The following PARP11 variants were observed in gnomAD, a reference collection of about 807,000 sequenced individuals.
The protein encoded by PARP11 is poly(ADP-ribose) polymerase family member 11, also known as protein mono-ADP-ribosyltransferase PARP11.
Under a neutral mutation model 42.9 loss-of-function variants are expected in PARP11, and 31 were observed. The observed-to-expected ratio is 0.72, with a 90% CI of 0.54 to 0.98. The LOEUF is 0.98. Ranked by LOEUF, PARP11 falls within the 50% of genes least tolerant of loss-of-function variation. The pLI is 0.00. For missense variants in PARP11, 365 were observed against 413.1 expected (o/e 0.88, Z 1.01); for synonymous variants, 137 against 127.3 (o/e 1.08, Z -0.51).
rs1947187495 is a variant in PARP11, at chr12:3,811,988, A to T, written c.*135T>A. On this transcript the variant is annotated 3_prime_UTR_variant, in exon 8 of 8. Coordinates refer to ENST00000228820, the MANE Select transcript of PARP11 (RefSeq NM_020367.6). ...AACCTTGAAGTCAGTATGTCTTTTTATATGGAGGCCACTTTTTTTCATATC... is the reference window on the plus strand; with the variant it reads ...AACCTTGAAGTCAGTATGTCTTTTTTTATGGAGGCCACTTTTTTTCATATC... 4.6e-6 allele frequency: 3 copies of T among 658,446 alleles called. No individual in the cohort carries two copies. Among genetic ancestry groups the T allele is most frequent in the Non-Finnish European group, 7.5e-6 (3 of 399,816 alleles). The allele number at this position is 658,446 out of a possible 1,614,324, so 40.8% of individuals were successfully genotyped here. A position where few individuals can be genotyped will look rare whatever the true frequency, so the allele number is the denominator to read the frequency against.
At chr12:3,867,581 G>T (rs893116821) in intron 1 of PARP11, among the ~76,000 whole-genome samples, 1 of 152,150 alleles carries the variant, frequency 6.6e-6, no homozygotes, top group African/African-American at 2.4e-5. Flanking sequence ...TTAATGCTGA[G>T]AATAAAATAC....
intron 6 of PARP11, 48 bp from the exon 7 acceptor site, chr12:3,814,236 TA>T (rs748341917): frequency 7.7e-6 from 11 of 1,420,946 alleles, no homozygotes; most frequent in Non-Finnish European, 9.4e-6. Flanking sequence ...AAATATACCA[TA>T]AGTAGCATTT....
intron 1 of PARP11, among the ~76,000 whole-genome samples, chr12:3,848,924 A>G (rs1487263477): frequency 6.6e-6 from 1 of 151,922 alleles, no homozygotes; most frequent in African/African-American, 2.4e-5. Flanking sequence ...ATTCATAATA[A>G]TAATATATAA....
chr12:3,845,524 A>G (rs1241415856), intron 1 of PARP11, among the ~76,000 whole-genome samples: 1 of 152,148 alleles, frequency 6.6e-6, no homozygotes, highest in Admixed American at 6.6e-5. Context: ...GAAACTAGCA[A>G]TATTTATTTT....
intron 1 of PARP11, among the ~76,000 whole-genome samples, chr12:3,834,842 G>A (rs888717041): frequency 7.2e-5 from 11 of 151,952 alleles, no homozygotes; most frequent in African/African-American, 2.7e-4. Flanking sequence ...ACCCAGGAAT[G>A]ATCAGGGCAG....
At chr12:3,832,135 G>T in intron 1 of PARP11, 1 of 981,186 alleles carries the variant, frequency 1.0e-6, no homozygotes. Flanking sequence ...CTTTAGGCCA[G>T]GTTATAAATG....
At chr12:3,864,010 C>G (rs371555081) in intron 1 of PARP11, 1 of 135,204 alleles carries the variant, frequency 7.4e-6, no homozygotes, top group Non-Finnish European at 1.7e-5. Flanking sequence ...GAGCAAAGGA[C>G]AGTCATGGAA....
In PARP11 at chr12:3,812,298, C is replaced by T. The variant is rs748949914; in HGVS notation, c.842G>A (p.Arg281Gln). 2 of 1,614,174 alleles carry T rather than the reference C, an allele frequency of 1.2e-6. No individual in the cohort carries two copies. The highest frequency in any genetic ancestry group is 1.7e-6 in the Non-Finnish European group (2 of 1,180,022). Residue 281 changes from arginine (R) to glutamine (Q), a missense_variant, in exon 8 of 8, where the codon CGA (arginine) becomes CAA (glutamine). By Grantham distance (43) the Arg-to-Gln change is conservative. Coordinates refer to ENST00000228820, the MANE Select transcript of PARP11 (RefSeq NM_020367.6). ...FRTYKSMFLA[R>Q]VLIGDYINGD... Reference sequence around the variant, plus strand: ...GTTTATGTAATCTCCAATTAGCACTCGAGCAAGAAACATAGATTTATATGT... The same window carrying T: ...GTTTATGTAATCTCCAATTAGCACTTGAGCAAGAAACATAGATTTATATGT...
At chr12:3,824,187 T>C (rs1947467276) in intron 4 of PARP11, among the ~76,000 whole-genome samples, 1 of 152,208 alleles carries the variant, frequency 6.6e-6, no homozygotes, top group African/African-American at 2.4e-5. Flanking sequence ...GTAGTAAAAA[T>C]TAGTCTGGTA....
intron 1 of PARP11, chr12:3,842,058 C>T (rs3816507): frequency 6.2e-7 from 1 of 1,608,784 alleles, no homozygotes; most frequent in Non-Finnish European, 8.5e-7. Context: ...GAAAGGCTCA[C>T]CCTCCCACTC....
rs1479576732 is a variant in PARP11 at position 3,808,939 on chromosome 12, C to A, written c.*3184G>T. 1 of 151,946 alleles carries A rather than the reference C, an allele frequency of 6.6e-6. No individual in the cohort carries two copies. The highest frequency in any genetic ancestry group is 1.9e-4 in the East Asian group (1 of 5,200). 9.4% of individuals were successfully genotyped at this position (151,946 alleles called of 1,614,324 possible). A position where few individuals can be genotyped will look rare whatever the true frequency, so the allele number is the denominator to read the frequency against. ...TCAAAATTGGCTCCAAATTCTTTATCATCATCACCATCAACAGTCTAGAAA... is the reference window on the plus strand; with the variant it reads ...TCAAAATTGGCTCCAAATTCTTTATAATCATCACCATCAACAGTCTAGAAA... On this transcript the variant is annotated 3_prime_UTR_variant, in exon 8 of 8. Transcript: ENST00000228820.
At chr12:3,865,451 A>T (rs1948374854) in intron 1 of PARP11, among the ~76,000 whole-genome samples, 1 of 152,148 alleles carries the variant, frequency 6.6e-6, no homozygotes, top group Non-Finnish European at 1.5e-5. Flanking sequence ...ATTTGGAGAA[A>T]ACTACTGAAA....
rs999143676 is a variant in PARP11 at position 3,840,912 on chromosome 12, G to A, written c.19-10894C>T. The A allele has an allele frequency of 6.2e-7, 1 of 1,602,812 alleles. No homozygotes were observed. The highest frequency in any genetic ancestry group is 8.5e-7 in the Non-Finnish European group (1 of 1,169,704). ...CAGCTCCCCTTCTAGTTTCTCCAGA[G>A]GTACATCTAACTCCTGCAGTGCCTT... On this transcript the variant is annotated intron_variant, in intron 1 of 7. Coordinates refer to ENST00000228820, the MANE Select transcript of PARP11 (RefSeq NM_020367.6). The surrounding 1 kb of genome is among the most constrained non-coding windows in gnomAD (Gnocchi z 4.4).
chr12:3,824,898 A>G (rs751446577), intron 4 of PARP11, among the ~76,000 whole-genome samples: 4 of 152,222 alleles, frequency 2.6e-5, no homozygotes, highest in Non-Finnish European at 4.4e-5. Flanking sequence ...ACTATTCTCT[A>G]TATTCCACAG....
chr12:3,858,737 C>T (rs573042340), intron 1 of PARP11, among the ~76,000 whole-genome samples: 65 of 152,186 alleles, frequency 4.3e-4, no homozygotes, highest in South Asian at 4.1e-4. Flanking sequence ...TTATCCTGAA[C>T]ACATTATTTT....
intron 1 of PARP11, among the ~76,000 whole-genome samples, chr12:3,850,994 C>T (rs1327810073): frequency 6.6e-6 from 1 of 152,222 alleles, no homozygotes; most frequent in African/African-American, 2.4e-5. Flanking sequence ...GATAGTCCAT[C>T]AGCATCACAG....
At chr12:3,826,126 C>T (rs77828123) in intron 4 of PARP11, 32 bp downstream of exon 4, 24 of 1,353,534 alleles carry the variant, frequency 1.8e-5, no homozygotes, top group Non-Finnish European at 2.4e-5. Flanking sequence ...AAAAAAAACC[C>T]ACTCTTTCCA....
intron 1 of PARP11, among the ~76,000 whole-genome samples, chr12:3,850,839 G>A (rs1482850903): frequency 1.3e-5 from 2 of 152,188 alleles, no homozygotes; most frequent in African/African-American, 4.8e-5. Context: ...AGAGTATGGT[G>A]TTGAAATGAC....
At chr12:3,813,591 T>C (rs1476378741) in intron 7 of PARP11, among the ~76,000 whole-genome samples, 1 of 152,242 alleles carries the variant, frequency 6.6e-6, no homozygotes, top group Non-Finnish European at 1.5e-5. Flanking sequence ...TTTTTAGTAG[T>C]TATTTTTTAA....
Sources: allele counts gnomAD v4.1 joint callset (sites outside exome capture counted in the v4.1 genomes callset), GRCh38; gene constraint gnomAD v4.1.1; non-coding constraint Gnocchi (gnomAD v3.1); transcripts MANE v1.5; gene names NCBI Gene and HGNC (gene_info 2026-07-23, HGNC 2026-07-21).